Variants in LAMA5 observed in about 807,000 individuals in gnomAD.
LAMA5 encodes the protein laminin subunit alpha-5.
A neutral mutation model predicts 433.4 loss-of-function variants in LAMA5; 260 were observed. The ratio of observed to expected loss-of-function variants is 0.60; its 90% confidence interval spans 0.54 to 0.66. LAMA5 has a LOEUF of 0.66. LAMA5 is among the 30% of genes least tolerant of loss of function. The pLI, the probability that LAMA5 is intolerant of heterozygous loss-of-function variation, is 0.00. For synonymous variants in LAMA5, 2,620 were observed against 2,226.6 expected (o/e 1.18, Z -4.97); for missense variants, 5,378 against 5,258.5 (o/e 1.02, Z -0.70).
intron 55 of LAMA5, 44 bp from the exon 56 acceptor site, chr20:62,317,067 C>A: frequency 6.7e-7 from 1 of 1,492,360 alleles, no homozygotes; most frequent in Non-Finnish European, 8.9e-7. Flanking sequence ...AGCGCAGACG[C>A]CCTCGGCCTG....
intron 6 of LAMA5, among the ~76,000 whole-genome samples, chr20:62,348,842 T>C (rs542083871): frequency 6.6e-6 from 1 of 151,682 alleles, no homozygotes; most frequent in Non-Finnish European, 1.5e-5. Context: ...CCTCAGAAGA[T>C]AAAGAGAGAG....
Position 62,336,608 on chromosome 20 carries a change from G to A in LAMA5, c.2217+126C>T, listed in dbSNP as rs991640161. The A allele has an allele frequency of 7.2e-6, 9 of 1,256,678 alleles. No homozygotes were observed. In the African/African-American group the frequency reaches 1.3e-4, roughly 18 times the overall value. 77.8% of individuals were successfully genotyped at this position (1,256,678 alleles called of 1,614,324 possible). ...GGGCAGAGGACCAGCCTAAGGAGCA[G>A]ACAGGCCCTGGGGTTGCCATGGCAA... On this transcript the variant is annotated intron_variant, in intron 17 of 79. Transcript: ENST00000252999.
rs1364173875 is a variant in LAMA5, at chr20:62,329,803, C to G, written c.4093G>C (p.Val1365Leu). 6.2e-7 allele frequency: 1 copy of G among 1,612,378 alleles called. No individual in the cohort carries two copies. The highest frequency in any genetic ancestry group is 8.5e-7 in the Non-Finnish European group (1 of 1,179,808). The stretch of plus-strand genomic sequence containing the variant: ...AGCCAGAGCCACCGGCCCTTGGGCA[C>G]ACGCACGGTCACAGTGAGCTCGCTG... ...THSELTVTVR[V>L]PKGRWLWLDY... Residue 1365 changes from valine to leucine, a missense_variant, in exon 32 of 80, where the codon GTG (valine) becomes CTG (leucine). Transcript: ENST00000252999.
rs11466846 is a variant in LAMA5 at position 62,341,826 on chromosome 20, CA to C, written c.1478-3219del. On this transcript the variant is annotated intron_variant, in intron 11 of 79. Transcript: ENST00000252999. ...CGAACCTCTGTTAGGTCTGATCAAC[CA>C]AAAAAAAAAAAAAAAAAAAAGAAGA... 9.4e-4 allele frequency among the ~76,000 whole-genome samples: 120 copies of C among 128,142 alleles called. 1 individual carries two copies. The highest frequency in any genetic ancestry group is 4.0e-3 in the African/African-American group (105 of 26,564). The allele number at this position is 128,142 out of a possible 152,430, so 84.1% of individuals were successfully genotyped here. A position where few individuals can be genotyped will look rare whatever the true frequency, so the allele number is the denominator to read the frequency against.
At chr20:62,330,075 A>G (rs950375515) in intron 31 of LAMA5, among the ~76,000 whole-genome samples, 159 bp from the exon 32 acceptor site, 1 of 152,220 alleles carries the variant, frequency 6.6e-6, no homozygotes, top group Non-Finnish European at 1.5e-5. Flanking sequence ...CCGGCCCCTC[A>G]TGTCACGGGG....
chr20:62,361,418 C>CG (rs1240656547), intron 2 of LAMA5, among the ~76,000 whole-genome samples: 8 of 152,214 alleles, frequency 5.3e-5, no homozygotes, highest in Non-Finnish European at 7.4e-5. Context: ...CTGCCCAGCC[C>CG]GGGCCAGGCC....
At chr20:62,351,859 G>A (rs369653913) in intron 5 of LAMA5, 50 bp downstream of exon 5, 30 of 1,576,082 alleles carry the variant, frequency 1.9e-5, no homozygotes, top group Middle Eastern at 1.7e-4. Flanking sequence ...CCTGAGTCCC[G>A]GGTCCACCCG....
intron 50 of LAMA5, 125 bp downstream of exon 50, chr20:62,320,434 G>T: frequency 1.5e-6 from 1 of 685,722 alleles, no homozygotes; most frequent in Non-Finnish European, 2.5e-6. Flanking sequence ...AGACTCTCGA[G>T]CTCCTGTCCC....
chr20:62,348,705 A>T (rs1325481248), intron 6 of LAMA5, among the ~76,000 whole-genome samples: 1 of 152,184 alleles, frequency 6.6e-6, no homozygotes, highest in Non-Finnish European at 1.5e-5. Flanking sequence ...ACCAATCAGA[A>T]CTTCTAGAAA....
intron 4 of LAMA5, 24 bp from the exon 5 acceptor site, chr20:62,352,103 C>A: frequency 6.2e-7 from 1 of 1,607,886 alleles, no homozygotes. Context: ...GCGGTGACGC[C>A]AGTGTGGCCC....
Position 62,311,383 on chromosome 20 carries a change from C to A in LAMA5, c.9942+18G>T. ...TCCAGCCACCCCAGCTCTGCCTGCT[C>A]ACCCCTGGGGTGCCCACCTTCCGGG... is the stretch of plus-strand genomic sequence containing the variant. On this transcript the variant is annotated intron_variant, in intron 72 of 79. Coordinates refer to ENST00000252999, the MANE Select transcript of LAMA5 (RefSeq NM_005560.6). 1 of 1,536,670 alleles carries A rather than the reference C, an allele frequency of 6.5e-7. No individual in the cohort carries two copies. The highest frequency in any genetic ancestry group is 8.8e-7 in the Non-Finnish European group (1 of 1,139,312).
chr20:62,327,503 C>G, intron 37 of LAMA5, 26 bp downstream of exon 37: 2 of 1,612,236 alleles, frequency 1.2e-6, no homozygotes, highest in East Asian at 2.2e-5. Context: ...CCCGAGAAGG[C>G]AATGCCCTCA....
In LAMA5 at chr20:62,330,660, C is replaced by T. The variant is rs572934156; in HGVS notation, c.3853-46G>A. 56 of 1,569,004 alleles carry T rather than the reference C, an allele frequency of 3.6e-5. 1 individual carries two copies. The highest frequency in any genetic ancestry group is 3.4e-4 in the South Asian group (29 of 85,404). Reference sequence around the variant, plus strand: ...GAGCAGGCTGAGCTATGAGCCCCTGCTGCCCCCTGGACAACCTGCCCTGGG... The same window carrying T: ...GAGCAGGCTGAGCTATGAGCCCCTGTTGCCCCCTGGACAACCTGCCCTGGG... On this transcript the variant is annotated intron_variant, in intron 30 of 79. Coordinates refer to ENST00000252999, the MANE Select transcript of LAMA5 (RefSeq NM_005560.6).
chr20:62,336,804 T>G lies in LAMA5; in HGVS notation c.2165-18A>C, dbSNP rs1198409365. On this transcript the variant is annotated intron_variant, in intron 16 of 79. Coordinates refer to ENST00000252999, the MANE Select transcript of LAMA5 (RefSeq NM_005560.6). ...AGAGCCAGCTGTGAAGAGAGGACCA[T>G]GCCTCGGTCATTTCCCAGTGACCAA... 6.2e-7 allele frequency: 1 copy of G among 1,611,564 alleles called. No individual in the cohort carries two copies. Among genetic ancestry groups the G allele is most frequent in the African/African-American group, 1.3e-5 (1 of 74,928 alleles).
At position 62,333,487 on chromosome 20, in the gene LAMA5, G is replaced by A. The variant is rs1568942706; in HGVS notation, c.3022-6C>T. 8 of 1,609,388 alleles carry A rather than the reference G, an allele frequency of 5.0e-6. No individual in the cohort carries two copies. Among genetic ancestry groups the A allele is most frequent in the Non-Finnish European group, 6.8e-6 (8 of 1,178,566 alleles). ...GGCAGCAGAACCACGTAGTCCTGCA[G>A]GGTGGAGGTGGTGCTGAGAGTGGTG... is the stretch of plus-strand genomic sequence containing the variant. On this transcript the variant is annotated splice_region_variant and splice_polypyrimidine_tract_variant and intron_variant, in intron 24 of 79. Transcript: ENST00000252999.
chr20:62,333,852 G>GTGGGCTGGGGTGGGGTGGGGTGGGC (rs1981005971), intron 23 of LAMA5, 49 bp downstream of exon 23: 1 of 1,413,432 alleles, frequency 7.1e-7, no homozygotes, highest in Non-Finnish European at 9.6e-7. Flanking sequence ...GTGGGGTGGG[G>GTGGGCTGGGGTGGGGTGGGGTGGGC]TGGGCTGGGC....
chr20:62,329,939 G>T, intron 31 of LAMA5, 23 bp from the exon 32 acceptor site: 2 of 1,607,228 alleles, frequency 1.2e-6, no homozygotes, highest in Non-Finnish European at 8.5e-7. Context: ...GAAAGGCAGG[G>T]TCAGGCCCCC....
chr20:62,362,594 G>A (rs1049085793), intron 1 of LAMA5, 42 bp from the exon 2 acceptor site: 10 of 1,438,166 alleles, frequency 7.0e-6, no homozygotes, highest in African/African-American at 1.4e-5. Flanking sequence ...AGAAGGGCCG[G>A]GGCCCCCTTC....
intron 26 of LAMA5, 150 bp downstream of exon 26, chr20:62,332,940 G>A (rs1262599970): frequency 2.0e-6 from 2 of 1,024,676 alleles, no homozygotes; most frequent in African/African-American, 3.2e-5. Flanking sequence ...GGAGGCAGGA[G>A]GCAGGAGGCA....
Sources: gnomAD v4.1 joint callset for allele counts (sites outside exome capture counted in the v4.1 genomes callset) on GRCh38, gnomAD v4.1.1 for gene constraint, MANE v1.5 for transcripts, NCBI Gene and HGNC (gene_info 2026-07-23, HGNC 2026-07-21) for gene names.